Variants in ROBO2 observed in about 807,000 individuals in gnomAD.
The protein encoded by ROBO2 is roundabout guidance receptor 2, also known as roundabout homolog 2.
In ROBO2, 53 loss-of-function variants were observed where a neutral mutation model predicts 160.8. The observed-to-expected ratio is 0.33, with a 90% CI of 0.26 to 0.41. The LOEUF (loss-of-function observed/expected upper bound fraction) is 0.41. ROBO2 is among the 10% of genes least tolerant of loss of function. The probability of loss-of-function intolerance (pLI) is 1.00; values close to 1 mark genes in which losing one functional copy is unlikely to be tolerated. For missense variants in ROBO2, 1,577 were observed against 1,722.4 expected, an observed-to-expected ratio of 0.92 and a Z score of 1.49; for synonymous variants, 664 against 611.7, an observed-to-expected ratio of 1.09 and a Z score of -1.26.
chr3:76,026,851 TTGAG>T (rs966915206), intron 2 of ROBO2, among the ~76,000 whole-genome samples: 1 of 151,888 alleles, frequency 6.6e-6, no homozygotes, highest in African/African-American at 2.4e-5. Context: ...ATATAGATAT[TTGAG>T]TGAAAAGGGC....
chr3:76,261,204 A>G (rs3039074), intron 2 of ROBO2, among the ~76,000 whole-genome samples: 102,983 of 141,250 alleles, frequency 0.73, 39,018 homozygotes, highest in Non-Finnish European at 0.88. Context: ...GTGTGTGTGT[A>G]TATATATATA....
rs541000859 is a variant in ROBO2 at position 77,242,161 on chromosome 3, T to G, written c.388+143821T>G. Among the ~76,000 whole-genome samples the G allele has an allele frequency of 2.0e-5, 3 of 152,276 alleles. No individual in the cohort carries two copies. In the East Asian group the frequency reaches 5.8e-4, roughly 29 times the overall value. On this transcript the variant is annotated intron_variant, in intron 2 of 25. Transcript: ENST00000461745. ...CTATTAGTGTTAAAGATTCACACAT[T>G]TGAAGTAAGATTGGATACATTTATA...
At chr3:77,364,819 A>C (rs1387202320) in intron 2 of ROBO2, among the ~76,000 whole-genome samples, 1 of 152,174 alleles carries the variant, frequency 6.6e-6, no homozygotes, top group African/African-American at 2.4e-5. Context: ...ATGTGAATCA[A>C]TTGACAACAG....
At position 76,375,789 on chromosome 3, in the gene ROBO2, T is replaced by C. The variant is rs1194835096; in HGVS notation, c.109+438187T>C. 2.0e-5 allele frequency among the ~76,000 whole-genome samples: 3 copies of C among 152,060 alleles called. No homozygotes were observed. The East Asian group carries it at 5.8e-4, about 29-fold the overall frequency. The stretch of plus-strand genomic sequence containing the variant: ...CTCTTTGAGAAATTTTTCTAAAGCA[T>C]AAGTCATATTGTTTTGGGGGAAGAT... On this transcript the variant is annotated intron_variant, in intron 2 of 26. Coordinates refer to the ROBO2 transcript ENST00000487694.
At chr3:76,745,485 T>C (rs1469184929) in intron 2 of ROBO2, among the ~76,000 whole-genome samples, 3 of 152,138 alleles carry the variant, frequency 2.0e-5, no homozygotes, top group African/African-American at 7.2e-5. Flanking sequence ...TCTTCCCAGA[T>C]TGAAGGTGAG....
At chr3:76,856,034 T>G (rs2070033337) in intron 2 of ROBO2, among the ~76,000 whole-genome samples, 1 of 152,232 alleles carries the variant, frequency 6.6e-6, no homozygotes, top group Non-Finnish European at 1.5e-5. Context: ...CCCTGTTGGA[T>G]GAGCTAGTCA....
upstream of ROBO2, among the ~76,000 whole-genome samples, chr3:77,036,511 T>G (rs997010034): frequency 6.6e-6 from 1 of 152,076 alleles, no homozygotes; most frequent in Non-Finnish European, 1.5e-5. Flanking sequence ...TATTTTATAC[T>G]TCTGCTGGAA....
At chr3:77,622,164 A>G in intron 22 of ROBO2, 63 bp from the exon 24 acceptor site, 2 of 1,446,764 alleles carry the variant, frequency 1.4e-6, no homozygotes, top group South Asian at 1.2e-5. Flanking sequence ...ATTTAATTAA[A>G]ATTATGATTT....
chr3:76,876,457 C>A (rs1299649428), intron 2 of ROBO2, among the ~76,000 whole-genome samples: 1 of 152,042 alleles, frequency 6.6e-6, no homozygotes, highest in South Asian at 2.1e-4. Flanking sequence ...GACAGATCAC[C>A]TGAGGTCAGC....
At chr3:77,301,257 G>A (rs548312354) in intron 2 of ROBO2, among the ~76,000 whole-genome samples, 2 of 151,938 alleles carry the variant, frequency 1.3e-5, no homozygotes. Flanking sequence ...CTTTACATAA[G>A]ATTTTTAAAG....
At chr3:76,771,467 A>C (rs1219486570) in intron 2 of ROBO2, among the ~76,000 whole-genome samples, 1 of 151,232 alleles carries the variant, frequency 6.6e-6, no homozygotes, top group Non-Finnish European at 1.5e-5. Flanking sequence ...TCTGTAATGC[A>C]TAATATTATT....
intron 2 of ROBO2, among the ~76,000 whole-genome samples, chr3:76,940,278 C>T (rs1165602624): frequency 1.3e-5 from 2 of 152,082 alleles, no homozygotes; most frequent in African/African-American, 4.8e-5. Flanking sequence ...CACTGCGCCT[C>T]GCCGCAACAG....
At chr3:77,086,155 ATAG>A (rs1328655505) in intron 1 of ROBO2, among the ~76,000 whole-genome samples, 5 of 152,100 alleles carry the variant, frequency 3.3e-5, no homozygotes, top group African/African-American at 1.2e-4. Flanking sequence ...CCGTTATCTT[ATAG>A]ATCGTGGTTC....
chr3:76,009,077 A>G (rs2066116792), intron 2 of ROBO2, among the ~76,000 whole-genome samples: 1 of 152,076 alleles, frequency 6.6e-6, no homozygotes, highest in Admixed American at 6.6e-5. Flanking sequence ...CTCTTATAAC[A>G]TACTTCACAG....
At chr3:76,088,384 A>G (rs1167014936) in intron 2 of ROBO2, among the ~76,000 whole-genome samples, 7 of 152,110 alleles carry the variant, frequency 4.6e-5, no homozygotes, top group East Asian at 3.9e-4. Flanking sequence ...TAATCGACGT[A>G]TAGACTACTT....
chr3:77,100,870 T>A (rs1205666780), intron 2 of ROBO2, among the ~76,000 whole-genome samples: 1 of 152,204 alleles, frequency 6.6e-6, no homozygotes. Flanking sequence ...GAGGATACAT[T>A]ACTTTCACAG....
At chr3:76,792,270 G>T (rs1024122053) in intron 2 of ROBO2, among the ~76,000 whole-genome samples, 5 of 151,744 alleles carry the variant, frequency 3.3e-5, no homozygotes, top group African/African-American at 1.2e-4. Context: ...TTGCAACATA[G>T]AAATATTTGA....
rs71322797 is a variant in ROBO2, at chr3:77,431,308, T to C, written c.389-46106T>C. On this transcript the variant is annotated intron_variant, in intron 2 of 25. Transcript: ENST00000461745. ...AAAGAAGATTTCAGGAATGTGTCCT[T>C]TGATAAAGGGGTTATGATCATCCAC... 3.9e-3 allele frequency among the ~76,000 whole-genome samples: 589 copies of C among 152,260 alleles called. 3 individuals carry two copies. The highest frequency in any genetic ancestry group is 0.02 in the Middle Eastern group (6 of 294).
intron 2 of ROBO2, among the ~76,000 whole-genome samples, chr3:76,738,148 A>T (rs1381222515): frequency 1.3e-5 from 2 of 152,254 alleles, no homozygotes; most frequent in South Asian, 2.1e-4. Context: ...AAAATAAAAA[A>T]TAAAAAAAAG....
Sources: allele counts gnomAD v4.1 joint callset (sites outside exome capture counted in the v4.1 genomes callset), GRCh38; gene constraint gnomAD v4.1.1; transcripts MANE v1.5; gene names NCBI Gene and HGNC (gene_info 2026-07-23, HGNC 2026-07-21).